ZFR2: variants seen among roughly 807,000 people sequenced by gnomAD.
ZFR2 encodes the protein zinc finger RNA-binding protein 2.
In ZFR2, 104 loss-of-function variants were observed where a neutral mutation model predicts 105.7. The ratio of observed to expected loss-of-function variants is 0.98; its 90% confidence interval spans 0.84 to 1.16. The LOEUF (loss-of-function observed/expected upper bound fraction) is 1.16. Among genes scored for constraint, ZFR2 ranks in the 50% most tolerant of loss-of-function variants. The pLI, the probability that ZFR2 is intolerant of heterozygous loss-of-function variation, is 0.00. For missense variants in ZFR2, 1,425 were observed against 1,355.5 expected (o/e 1.05, Z -0.80); for synonymous variants, 634 against 597.7 (o/e 1.06, Z -0.89).
intron 9 of ZFR2, 34 bp downstream of exon 9, chr19:3,822,047 G>A: frequency 1.3e-6 from 2 of 1,565,228 alleles, no homozygotes; most frequent in Non-Finnish European, 1.7e-6. Flanking sequence ...AGCACAGCCC[G>A]GACGGGTGTC....
Position 3,805,963 on chromosome 19 carries a change from C to T in ZFR2, c.2806G>A (p.Glu936Lys), listed in dbSNP as rs959046545. The T allele has an allele frequency of 6.5e-7, 1 of 1,536,598 alleles. No homozygotes were observed. Among genetic ancestry groups the T allele is most frequent in the Non-Finnish European group, 8.7e-7 (1 of 1,144,322 alleles). Residue 936 changes from glutamate (E) to lysine (K), a missense_variant, in exon 19 of 19, where the codon GAG becomes AAG. Glu to Lys is a moderately conservative substitution (Grantham distance 56, BLOSUM62 1). Transcript: ENST00000262961. Reference sequence around the variant, plus strand: ...AGGTAGGCGGCTCACACGAGCCCCTCTCCGCCCCGCCGGCCCCGCTTCTTC... The same window carrying T: ...AGGTAGGCGGCTCACACGAGCCCCTTTCCGCCCCGCCGGCCCCGCTTCTTC... ...GEKKRGRRGG[E>K]GLV
chr19:3,822,035 C>G (rs747759820), intron 9 of ZFR2, 46 bp downstream of exon 9: 1 of 1,550,752 alleles, frequency 6.4e-7, no homozygotes, highest in Non-Finnish European at 8.7e-7. Flanking sequence ...CCGCCGGGCC[C>G]TAGCACAGCC....
intron 5 of ZFR2, among the ~76,000 whole-genome samples, chr19:3,830,962 C>T (rs528895950): frequency 1.1e-3 from 168 of 149,034 alleles, no homozygotes; most frequent in Non-Finnish European, 2.0e-3. Context: ...CATACACACA[C>T]GCACACACAT....
intron 1 of ZFR2, among the ~76,000 whole-genome samples, chr19:3,853,249 C>G (rs2038260668): frequency 6.6e-6 from 1 of 152,174 alleles, no homozygotes; most frequent in Non-Finnish European, 1.5e-5. Context: ...GGGAGAGGCC[C>G]ACAGCCCTCC....
At chr19:3,868,369 C>T (rs1332738775) in intron 1 of ZFR2, among the ~76,000 whole-genome samples, 10 of 148,624 alleles carry the variant, frequency 6.7e-5, no homozygotes, top group African/African-American at 2.5e-4. Flanking sequence ...GTGTCTTCTC[C>T]TCCCCCCGCA....
chr19:3,830,353 T>C (rs916581819), intron 5 of ZFR2, among the ~76,000 whole-genome samples: 3 of 152,104 alleles, frequency 2.0e-5, no homozygotes, highest in Non-Finnish European at 4.4e-5. Context: ...GGAGGATCAC[T>C]TGAACCCAGG....
In ZFR2 at chr19:3,823,497, G is replaced by C; in HGVS notation, c.1214-94C>G. On this transcript the variant is annotated intron_variant, in intron 7 of 18. Transcript: ENST00000262961. The surrounding 1 kb of genome is among the most constrained non-coding windows in gnomAD (Gnocchi z 5.4). ...GCGGCATGGGGTGGAGAGCCACCCA[G>C]ACTGCAGGCTGTGCCATCCCCCTCC... 7.7e-7 allele frequency: 1 copy of C among 1,292,432 alleles called. No homozygotes were observed. The highest frequency in any genetic ancestry group is 1.1e-6 in the Non-Finnish European group (1 of 950,104). The allele number at this position is 1,292,432 out of a possible 1,614,324, so 80.1% of individuals were successfully genotyped here. A position where few individuals can be genotyped will look rare whatever the true frequency, so the allele number is the denominator to read the frequency against.
rs755271706 is a variant in ZFR2, at chr19:3,831,379, G to T, written c.776C>A (p.Pro259Gln). 2 of 1,558,090 alleles carry T rather than the reference G, an allele frequency of 1.3e-6. No individual in the cohort carries two copies. Among genetic ancestry groups the T allele is most frequent in the Non-Finnish European group, 1.7e-6 (2 of 1,153,088 alleles). ...CTGCCTGGGCCCCGCCTTGGGTCTC[G>T]GCAGCTTGCTGGGAAGCGGTGGCTT... ...DSKPPLPSKL[P>Q]RPKAGPRQLQ... The change falls in exon 5 of 19, where the codon CCG becomes CAG. Residue 259 changes from proline to glutamine, a missense_variant. Transcript: ENST00000262961.
chr19:3,868,983 C>T lies in ZFR2; in HGVS notation c.35G>A (p.Gly12Asp). ...ATSQYFDFAQ[G>D]GGPQYSAQPP... ...CAGTTACCTGTACTGCGGGCCGCCG[C>T]CCTGCGCGAAGTCGAAATACTGACT... Residue 12 changes from glycine to aspartate, a missense_variant, in exon 1 of 19, where the codon GGC (glycine) becomes GAC (aspartate). By Grantham distance (94) the Gly-to-Asp change is moderately conservative. Coordinates refer to ENST00000262961, the MANE Select transcript of ZFR2 (RefSeq NM_015174.2). 1 of 1,372,636 alleles carries T rather than the reference C, an allele frequency of 7.3e-7. No homozygotes were observed. The highest frequency in any genetic ancestry group is 9.5e-7 in the Non-Finnish European group (1 of 1,053,094). The allele number at this position is 1,372,636 out of a possible 1,614,324, so 85.0% of individuals were successfully genotyped here.
intron 9 of ZFR2, among the ~76,000 whole-genome samples, chr19:3,821,680 C>A (rs1238609989): frequency 6.7e-6 from 1 of 148,782 alleles, no homozygotes; most frequent in Non-Finnish European, 1.5e-5. Context: ...ATGGTGTGAC[C>A]TCGGCTCACT....
At position 3,804,085 on chromosome 19, in the gene ZFR2, C is replaced by G. The variant is rs2037673687; in HGVS notation, c.*1864G>C. ...TTCCAGGTAGCTCTACAAAGACATT[C>G]AGACAGAGCCACATGCAGGCTGTCC... On this transcript the variant is annotated 3_prime_UTR_variant, in exon 19 of 19. Transcript: ENST00000262961. 6.6e-6 allele frequency: 1 copy of G among 152,276 alleles called. No homozygotes were observed. Among genetic ancestry groups the G allele is most frequent in the African/African-American group, 2.4e-5 (1 of 41,434 alleles). The allele number at this position is 152,276 out of a possible 1,614,324, so 9.4% of individuals were successfully genotyped here. A position where few individuals can be genotyped will look rare whatever the true frequency, so the allele number is the denominator to read the frequency against.
Position 3,813,581 on chromosome 19 carries a change from G to A in ZFR2, c.2242+239C>T, listed in dbSNP as rs2037794071. Among the ~76,000 whole-genome samples, 1 of 152,248 alleles carries A rather than the reference G, an allele frequency of 6.6e-6. No individual in the cohort carries two copies. Among genetic ancestry groups the A allele is most frequent in the South Asian group, 2.1e-4 (1 of 4,828 alleles). ...ACACGGTGTCGCTTGCCCGAGCAAG[G>A]CCCCTGCAGCCAGGCTCTGAGCCCA... On this transcript the variant is annotated intron_variant, in intron 14 of 18. Transcript: ENST00000262961. The surrounding 1 kb of genome is among the most constrained non-coding windows in gnomAD (Gnocchi z 4.4).
chr19:3,808,721 G>T, intron 17 of ZFR2, 151 bp downstream of exon 17: 1 of 612,746 alleles, frequency 1.6e-6, no homozygotes, highest in Non-Finnish European at 2.7e-6. Context: ...CTGCCTTCCT[G>T]CTGGGAGCAT....
At chr19:3,821,296 C>A (rs2037889112) in intron 10 of ZFR2, 44 bp downstream of exon 10, 3 of 1,515,466 alleles carry the variant, frequency 2.0e-6, no homozygotes, top group Non-Finnish European at 2.6e-6. Flanking sequence ...GCTGGACCTG[C>A]CCTCCCTCAC....
chr19:3,805,898 C>G lies in ZFR2; in HGVS notation c.*51G>C, dbSNP rs1003769647. Reference sequence around the variant, plus strand: ...AAGCAGCCATTGGTCGGCGCGCACACGTCCAGGAGTGCAGGGATGCAAAGG... The same window carrying G: ...AAGCAGCCATTGGTCGGCGCGCACAGGTCCAGGAGTGCAGGGATGCAAAGG... On this transcript the variant is annotated 3_prime_UTR_variant, in exon 19 of 19. Coordinates refer to ENST00000262961, the MANE Select transcript of ZFR2 (RefSeq NM_015174.2). The G allele has an allele frequency of 2.7e-6, 4 of 1,466,626 alleles. No individual in the cohort carries two copies. The African/African-American group carries it at 5.8e-5, about 21-fold the overall frequency. The allele number at this position is 1,466,626 out of a possible 1,614,324, so 90.9% of individuals were successfully genotyped here.
intron 1 of ZFR2, among the ~76,000 whole-genome samples, chr19:3,861,156 G>A (rs910574169): frequency 2.0e-5 from 3 of 151,862 alleles, no homozygotes; most frequent in Non-Finnish European, 2.9e-5. Context: ...TCCACTCTCC[G>A]CCAACCGCGA....
Position 3,831,699 on chromosome 19 carries a change from G to A in ZFR2, c.559C>T (p.Pro187Ser), listed in dbSNP as rs1222245661. The change falls in exon 4 of 19, where the codon CCC (proline) becomes TCC (serine). Residue 187 changes from proline to serine, a missense_variant. Physicochemically the swap from Pro to Ser is moderately conservative, Grantham distance 74 (BLOSUM62 -1). Coordinates refer to ENST00000262961, the MANE Select transcript of ZFR2 (RefSeq NM_015174.2). ...ESSASIVTSY[P>S]PPSYNPTCTA... is the part of the protein sequence containing the mutation. ...CAGGTGGGGTTGTAGGAGGGCGGGG[G>A]GTAGGAGGTCACGATGGAAGCTGAC... 2 of 1,582,706 alleles carry A rather than the reference G, an allele frequency of 1.3e-6. No individual in the cohort carries two copies. Among genetic ancestry groups the A allele is most frequent in the Non-Finnish European group, 1.7e-6 (2 of 1,163,036 alleles).
intron 16 of ZFR2, among the ~76,000 whole-genome samples, chr19:3,809,458 CCGAGGGCA>C (rs539615422): frequency 3.3e-5 from 5 of 152,302 alleles, no homozygotes; most frequent in Non-Finnish European, 2.9e-5. Context: ...TGGCCAGTTC[CCGAGGGCA>C]CGAGGGGACA....
At chr19:3,824,374 A>G (rs2037927131) in intron 7 of ZFR2, among the ~76,000 whole-genome samples, 1 of 152,222 alleles carries the variant, frequency 6.6e-6, no homozygotes, top group African/African-American at 2.4e-5. Flanking sequence ...CAAAGCAGTG[A>G]GCAGACGCCT....
Sources: allele counts gnomAD v4.1 joint callset (sites outside exome capture counted in the v4.1 genomes callset), GRCh38; gene constraint gnomAD v4.1.1; non-coding constraint Gnocchi (gnomAD v3.1); transcripts MANE v1.5; gene names NCBI Gene and HGNC (gene_info 2026-07-23, HGNC 2026-07-21).